CTNNA3: variants seen among roughly 807,000 people sequenced by gnomAD.
CTNNA3 encodes catenin alpha 3, also known as catenin alpha-3.
A neutral mutation model predicts 95.7 loss-of-function variants in CTNNA3; 76 were observed. That is an observed-to-expected ratio of 0.79 (90% confidence interval 0.66 to 0.96). CTNNA3 has a LOEUF of 0.96. Ranked by LOEUF, CTNNA3 falls within the 40% of genes least tolerant of loss-of-function variation. The pLI is 0.00. For synonymous variants in CTNNA3, 431 were observed against 374.4 expected, an observed-to-expected ratio of 1.15 and a Z score of -1.74; for missense variants, 1,191 against 1,089.8, an observed-to-expected ratio of 1.09 and a Z score of -1.31.
At chr10:65,999,843 A>G (rs1437262356) in intron 15 of CTNNA3, among the ~76,000 whole-genome samples, 1 of 152,016 alleles carries the variant, frequency 6.6e-6, no homozygotes, top group Non-Finnish European at 1.5e-5. Flanking sequence ...AAAAAGACCT[A>G]GAGAAGAAAG....
At chr10:66,488,711 G>C (rs1231536503) in intron 11 of CTNNA3, among the ~76,000 whole-genome samples, 1 of 151,958 alleles carries the variant, frequency 6.6e-6, no homozygotes, top group Non-Finnish European at 1.5e-5. Flanking sequence ...TTAAACAGCT[G>C]TCTAATAGAT....
chr10:66,554,401 G>A lies in CTNNA3; in HGVS notation c.1375-33628C>T, dbSNP rs1459276888. ...AATCTATTATCTACTATCAGTGTGG[G>A]GTAAATCTTAGTCATAATTTTTAAA... On this transcript the variant is annotated intron_variant, in intron 10 of 17. Coordinates refer to ENST00000433211, the MANE Select transcript of CTNNA3 (RefSeq NM_013266.4). Among the ~76,000 whole-genome samples the A allele has an allele frequency of 4.0e-5, 6 of 151,468 alleles. No homozygotes were observed. In the South Asian group the frequency reaches 8.3e-4, roughly 21 times the overall value.
At chr10:67,696,318 C>T (rs1213697428), upstream of CTNNA3, 1 of 152,178 alleles carries the variant, frequency 6.6e-6, no homozygotes, top group African/African-American at 2.4e-5. Flanking sequence ...TAGAGACCTA[C>T]AAACATAGCT....
chr10:66,730,910 C>T (rs1303725904), intron 9 of CTNNA3, among the ~76,000 whole-genome samples: 1 of 152,178 alleles, frequency 6.6e-6, no homozygotes, highest in Non-Finnish European at 1.5e-5. Context: ...TGCAAAAATG[C>T]ATGTTTATCT....
At chr10:67,750,916 C>A in intron 1 of CTNNA3, 1 of 1,610,114 alleles carries the variant, frequency 6.2e-7, no homozygotes, top group Non-Finnish European at 8.5e-7. Flanking sequence ...GGCCTACAGC[C>A]CCCTAGGCTC....
intron 10 of CTNNA3, among the ~76,000 whole-genome samples, chr10:66,606,486 A>G (rs1422112580): frequency 6.6e-6 from 1 of 152,172 alleles, no homozygotes; most frequent in Admixed American, 6.5e-5. Context: ...ACCACATGGC[A>G]CATACCCTGA....
At chr10:67,189,259 T>G (rs1212879517) in intron 6 of CTNNA3, among the ~76,000 whole-genome samples, 1 of 152,240 alleles carries the variant, frequency 6.6e-6, no homozygotes, top group South Asian at 2.1e-4. Flanking sequence ...CTCACTTGTA[T>G]GTAAAATCCA....
intron 5 of CTNNA3, among the ~76,000 whole-genome samples, chr10:67,370,864 T>G (rs2132700302): frequency 1.4e-5 from 2 of 147,392 alleles, no homozygotes; most frequent in South Asian, 4.3e-4. Context: ...GAGGAAGTTT[T>G]TTTTGTTTTT....
intron 13 of CTNNA3, among the ~76,000 whole-genome samples, chr10:66,183,445 T>C (rs2086158787): frequency 6.6e-6 from 1 of 152,248 alleles, no homozygotes; most frequent in African/African-American, 2.4e-5. Context: ...GCCTTGTTTT[T>C]ACATTTAATA....
At position 65,918,780 on chromosome 10, in the gene CTNNA3, A is replaced by C. The variant is rs2077037666; in HGVS notation, c.*1550T>G. 6.6e-6 allele frequency: 1 copy of C among 152,184 alleles called. No homozygotes were observed. The highest frequency in any genetic ancestry group is 1.5e-5 in the Non-Finnish European group (1 of 68,020). The allele number at this position is 152,184 out of a possible 1,614,324, so 9.4% of individuals were successfully genotyped here. ...CTGCATAATTAATAATGACCTATTA[A>C]ATAGATCCTTCTTTTCCCATACCAT... On this transcript the variant is annotated 3_prime_UTR_variant, in exon 18 of 18. Transcript: ENST00000433211.
At chr10:67,762,383 C>CCAAA (rs1491429702) in intron 1 of CTNNA3, among the ~76,000 whole-genome samples, 2 of 136,970 alleles carry the variant, frequency 1.5e-5, no homozygotes, top group Non-Finnish European at 1.6e-5. Context: ...CTCCCCCCCC[C>CCAAA]AAAAAAAAAA....
intron 5 of CTNNA3, among the ~76,000 whole-genome samples, chr10:67,517,451 G>A (rs1839852470): frequency 6.6e-6 from 1 of 151,430 alleles, no homozygotes; most frequent in African/African-American, 2.4e-5. Flanking sequence ...ATCCTACAAG[G>A]TATTATGTAC....
At chr10:66,224,592 A>G (rs2089164328) in intron 13 of CTNNA3, among the ~76,000 whole-genome samples, 1 of 152,050 alleles carries the variant, frequency 6.6e-6, no homozygotes, top group East Asian at 1.9e-4. Flanking sequence ...TCCAATTCTC[A>G]CTGGCCCAGT....
intron 7 of CTNNA3, among the ~76,000 whole-genome samples, chr10:67,112,554 T>C (rs895210174): frequency 6.6e-6 from 1 of 152,148 alleles, no homozygotes; most frequent in African/African-American, 2.4e-5. Flanking sequence ...TGGAAGCTGA[T>C]TTGTATTTCA....
intron 7 of CTNNA3, among the ~76,000 whole-genome samples, chr10:66,806,287 GTGTGTATA>G (rs1252542091): frequency 1.7e-4 from 25 of 147,884 alleles, no homozygotes; most frequent in African/African-American, 5.7e-4. Flanking sequence ...GTGTGTGTGT[GTGTGTATA>G]TATACTCATT....
At chr10:67,352,696 T>C (rs1459414883) in intron 5 of CTNNA3, among the ~76,000 whole-genome samples, 2 of 151,930 alleles carry the variant, frequency 1.3e-5, no homozygotes, top group African/African-American at 4.8e-5. Context: ...ATTGCTCCAG[T>C]ACTCTCACAA....
intron 1 of CTNNA3, among the ~76,000 whole-genome samples, chr10:67,666,947 C>T (rs1442501722): frequency 6.6e-6 from 1 of 152,114 alleles, no homozygotes; most frequent in African/African-American, 2.4e-5. Context: ...AGACTTCCCA[C>T]AATCCTAAAT....
At chr10:67,745,095 G>A (rs1434647441) in intron 1 of CTNNA3, among the ~76,000 whole-genome samples, 3 of 152,140 alleles carry the variant, frequency 2.0e-5, no homozygotes, top group Non-Finnish European at 4.4e-5. Flanking sequence ...GTGGAAGTCA[G>A]TGTGGCGATT....
intron 10 of CTNNA3, among the ~76,000 whole-genome samples, chr10:66,540,547 A>T: frequency 6.6e-6 from 1 of 152,120 alleles, no homozygotes; most frequent in East Asian, 1.9e-4. Flanking sequence ...AAGTGCAGAA[A>T]TAAAGTTGAG....
Sources: gnomAD v4.1 joint callset for allele counts (sites outside exome capture counted in the v4.1 genomes callset) on GRCh38, gnomAD v4.1.1 for gene constraint, MANE v1.5 for transcripts, NCBI Gene and HGNC (gene_info 2026-07-23, HGNC 2026-07-21) for gene names.